REEP1: variants seen among roughly 807,000 people sequenced by gnomAD.
REEP1 encodes receptor accessory protein 1.
In REEP1, 22 loss-of-function variants were observed where a neutral mutation model predicts 40.3. That is an observed-to-expected ratio of 0.55 (90% CI 0.39 to 0.78). The LOEUF (loss-of-function observed/expected upper bound fraction) is 0.78, where lower values mean the gene tolerates loss of function less well. REEP1 is among the 30% of genes least tolerant of loss of function. REEP1 has a pLI of 0.00. For synonymous variants in REEP1, 116 were observed against 139.2 expected, an observed-to-expected ratio of 0.83 and a Z score of 1.17; for missense variants, 280 against 361.1, an observed-to-expected ratio of 0.78 and a Z score of 1.82.
chr2:86,323,347 G>A (rs1680353211), intron 1 of REEP1, among the ~76,000 whole-genome samples: 1 of 152,220 alleles, frequency 6.6e-6, no homozygotes, highest in African/African-American at 2.4e-5. Flanking sequence ...TGTATTATGG[G>A]AGAAGAAAGC....
rs374159618 is a variant in REEP1 at position 86,332,122 on chromosome 2, G to A, written c.32+5357C>T. On this transcript the variant is annotated intron_variant, in intron 1 of 8. Coordinates refer to ENST00000538924, the MANE Select transcript of REEP1 (RefSeq NM_001371279.1). The stretch of plus-strand genomic sequence containing the variant: ...CCCAAAGTGAAAATAATGTGCTTCT[G>A]TATAAAGACAGATGAGATCTGAAAA... Among the ~76,000 whole-genome samples the A allele has an allele frequency of 7.9e-5, 12 of 152,224 alleles. 1 individual carries two copies. Among genetic ancestry groups the A allele is most frequent in the African/African-American group, 2.9e-4 (12 of 41,544 alleles).
Position 86,260,235 on chromosome 2 carries a change from G to C in REEP1, c.182+3730C>G, listed in dbSNP as rs185190976. ...GGCTGTGGGATAAAGCAGGCAGAAA[G>C]GTTCCTAAGGAGCCTCTTCCCTGCA... On this transcript the variant is annotated intron_variant, in intron 3 of 8. Transcript: ENST00000538924. Among the ~76,000 whole-genome samples, 374 of 152,270 alleles carry C rather than the reference G, an allele frequency of 2.5e-3. 4 individuals are homozygous for C. Among genetic ancestry groups the C allele is most frequent in the Non-Finnish European group, 2.5e-3 (167 of 68,024 alleles).
intron 1 of REEP1, among the ~76,000 whole-genome samples, chr2:86,318,941 TAATC>T (rs1282169125): frequency 6.6e-6 from 1 of 152,220 alleles, no homozygotes; most frequent in Non-Finnish European, 1.5e-5. Flanking sequence ...ATCAAAAGTG[TAATC>T]AATATAAATA....
At chr2:86,335,724 T>C (rs1368906821) in intron 1 of REEP1, among the ~76,000 whole-genome samples, 12 of 151,598 alleles carry the variant, frequency 7.9e-5, no homozygotes, top group Admixed American at 7.9e-4. Context: ...TGGCAGGCGC[T>C]TGTAATCCCA....
intron 7 of REEP1, among the ~76,000 whole-genome samples, chr2:86,226,276 G>T (rs540169206): frequency 6.6e-6 from 1 of 152,046 alleles, no homozygotes; most frequent in Non-Finnish European, 1.5e-5. Context: ...AGCTCACAGC[G>T]GTTAGGTGAT....
chr2:86,282,911 C>A (rs79383023), intron 1 of REEP1, among the ~76,000 whole-genome samples: 1 of 152,134 alleles, frequency 6.6e-6, no homozygotes, highest in Non-Finnish European at 1.5e-5. Context: ...AGGACCTGAA[C>A]GGCAGAGTTC....
chr2:86,267,415 C>T (rs1381526358), intron 2 of REEP1, among the ~76,000 whole-genome samples: 1 of 152,184 alleles, frequency 6.6e-6, no homozygotes, highest in Non-Finnish European at 1.5e-5. Context: ...GCCTCCCTAG[C>T]CATGCAGAAC....
At position 86,318,396 on chromosome 2, in the gene REEP1, TTTTC is replaced by T. The variant is rs201017916; in HGVS notation, c.32+19079_32+19082del. ...GAAAAAGTAGTTTTCTTTTCTTTTC[TTTTC>T]TTTTTTTTTTTTTTTTGAGATAGAG... On this transcript the variant is annotated intron_variant, in intron 1 of 8. Coordinates refer to ENST00000538924, the MANE Select transcript of REEP1 (RefSeq NM_001371279.1). Among the ~76,000 whole-genome samples the T allele has an allele frequency of 4.8e-3, 568 of 119,378 alleles. 5 individuals are homozygous for T. The highest frequency in any genetic ancestry group is 0.015 in the South Asian group (53 of 3,474). The allele number at this position is 119,378 out of a possible 152,430, so 78.3% of individuals were successfully genotyped here.
intron 3 of REEP1, among the ~76,000 whole-genome samples, chr2:86,257,308 T>C (rs1218555001): frequency 6.7e-6 from 1 of 149,996 alleles, no homozygotes; most frequent in African/African-American, 2.5e-5. Flanking sequence ...AAGATGTCTT[T>C]TAAAAAAAAT....
At chr2:86,254,502 T>A (rs1676442951) in intron 4 of REEP1, among the ~76,000 whole-genome samples, 192 bp downstream of exon 4, 1 of 152,318 alleles carries the variant, frequency 6.6e-6, no homozygotes, top group East Asian at 1.9e-4. Flanking sequence ...AAATAACATC[T>A]TTTAGAGAAC....
chr2:86,254,164 T>C (rs1170379717), intron 4 of REEP1, among the ~76,000 whole-genome samples: 1 of 152,196 alleles, frequency 6.6e-6, no homozygotes, highest in Non-Finnish European at 1.5e-5. Flanking sequence ...TTTTAAATCA[T>C]TTTTTTAAAA....
chr2:86,332,401 T>C (rs573146526), intron 1 of REEP1, among the ~76,000 whole-genome samples: 3 of 148,884 alleles, frequency 2.0e-5, no homozygotes, highest in Admixed American at 2.0e-4. Flanking sequence ...CACTGCCATA[T>C]CTCTCCTTTC....
At chr2:86,282,912 G>A (rs184651824) in intron 1 of REEP1, among the ~76,000 whole-genome samples, 2 of 152,066 alleles carry the variant, frequency 1.3e-5, no homozygotes, top group African/African-American at 4.8e-5. Context: ...GGACCTGAAC[G>A]GCAGAGTTCC....
At chr2:86,320,318 T>C (rs1573047560) in intron 1 of REEP1, among the ~76,000 whole-genome samples, 1 of 152,314 alleles carries the variant, frequency 6.6e-6, no homozygotes, top group South Asian at 2.1e-4. Flanking sequence ...TCTCAAGAAA[T>C]TACTTTTCAG....
chr2:86,263,908 CT>C, intron 3 of REEP1, 56 bp downstream of exon 3: 4 of 1,351,422 alleles, frequency 3.0e-6, no homozygotes, highest in Non-Finnish European at 4.2e-6. Context: ...CCACCTCCCC[CT>C]GAGTGACACT....
chr2:86,290,728 T>C (rs372580865), intron 1 of REEP1, among the ~76,000 whole-genome samples: 38 of 152,330 alleles, frequency 2.5e-4, no homozygotes, highest in East Asian at 1.7e-3. Context: ...ACCTTTACCA[T>C]ACTGCCCCAG....
At chr2:86,234,829 G>A (rs964522251) in intron 5 of REEP1, among the ~76,000 whole-genome samples, 28 of 152,160 alleles carry the variant, frequency 1.8e-4, no homozygotes, top group African/African-American at 6.0e-4. Flanking sequence ...CAAAATGGAG[G>A]CTGGACCAGC....
chr2:86,224,849 A>G (rs1319724671), intron 7 of REEP1, among the ~76,000 whole-genome samples: 1 of 152,200 alleles, frequency 6.6e-6, no homozygotes, highest in East Asian at 1.9e-4. Context: ...TGAAACCACC[A>G]GATGTCATGG....
chr2:86,321,745 C>T (rs1680278576), intron 1 of REEP1, among the ~76,000 whole-genome samples: 1 of 152,178 alleles, frequency 6.6e-6, no homozygotes, highest in African/African-American at 2.4e-5. Context: ...AATATAATAT[C>T]ATTCATTATG....
Sources: gnomAD v4.1 joint callset for allele counts (sites outside exome capture counted in the v4.1 genomes callset) on GRCh38, gnomAD v4.1.1 for gene constraint, MANE v1.5 for transcripts, NCBI Gene and HGNC (gene_info 2026-07-23, HGNC 2026-07-21) for gene names.